The following KCNJ4 variants were observed in gnomAD, a reference collection of about 807,000 sequenced individuals.
KCNJ4 encodes inward rectifier potassium channel 4.
Under a neutral mutation model 25.6 loss-of-function variants are expected in KCNJ4, and 3 were observed. That is an observed-to-expected ratio of 0.12 (90% CI 0.05 to 0.30). KCNJ4 has a LOEUF of 0.30. KCNJ4 is among the 10% of genes least tolerant of loss of function. KCNJ4 has a pLI of 1.00. For missense variants in KCNJ4, 286 were observed against 666.8 expected (o/e 0.43, Z 6.29); for synonymous variants, 257 against 283.9 (o/e 0.91, Z 0.95).
chr22:38,446,235 T>C (rs1451367665), intron 1 of KCNJ4, among the ~76,000 whole-genome samples: 17 of 152,212 alleles, frequency 1.1e-4, no homozygotes, highest in Admixed American at 1.1e-3. Context: ...TTCTCCTCTG[T>C]CCTCTAGCCT....
chr22:38,428,508 C>T (rs977739734), intron 1 of KCNJ4, among the ~76,000 whole-genome samples: 3 of 152,158 alleles, frequency 2.0e-5, no homozygotes, highest in Non-Finnish European at 4.4e-5. Flanking sequence ...CTTGGTTCCT[C>T]CCTGTCCCTC....
At chr22:38,452,988 C>G (rs916835553) in intron 1 of KCNJ4, among the ~76,000 whole-genome samples, 1 of 151,876 alleles carries the variant, frequency 6.6e-6, no homozygotes, top group Non-Finnish European at 1.5e-5. Flanking sequence ...CAGTGGTCCC[C>G]GCAGAGGGGC....
chr22:38,454,323 GGGGGGACATTTGGCAGGTT>G (rs2089425869), intron 1 of KCNJ4, among the ~76,000 whole-genome samples: 1 of 152,138 alleles, frequency 6.6e-6, no homozygotes, highest in Non-Finnish European at 1.5e-5. Context: ...TGACACTGGT[GGGGGGACATTTGGCAGGTT>G]GCAGGGGAAG....
In KCNJ4 at chr22:38,441,395, G is replaced by A. The variant is rs146950984; in HGVS notation, c.-39-13224C>T. The stretch of plus-strand genomic sequence containing the variant: ...GGTGACATGGTAACAGCCCATGTCT[G>A]ATCATCATCTGACCCTCATCCCCGC... On this transcript the variant is annotated intron_variant, in intron 1 of 1. Coordinates refer to ENST00000303592, the MANE Select transcript of KCNJ4 (RefSeq NM_152868.3). 4.8e-4 allele frequency among the ~76,000 whole-genome samples: 73 copies of A among 152,286 alleles called. 2 individuals are homozygous for A. The East Asian group carries it at 0.012, about 25-fold the overall frequency.
chr22:38,444,925 C>A lies in KCNJ4; in HGVS notation c.-40+10055G>T, dbSNP rs528437473. Reference sequence around the variant, plus strand: ...GCCAGGTGCCAGATGTGTCTCAACACAGCGCAGTGCCTTGCCTTGGAGGGC... The same window carrying A: ...GCCAGGTGCCAGATGTGTCTCAACAAAGCGCAGTGCCTTGCCTTGGAGGGC... On this transcript the variant is annotated intron_variant, in intron 1 of 1. Transcript: ENST00000303592. 9.2e-5 allele frequency among the ~76,000 whole-genome samples: 14 copies of A among 152,350 alleles called. No individual in the cohort carries two copies. In the East Asian group the frequency reaches 2.5e-3, roughly 27 times the overall value.
intron 1 of KCNJ4, among the ~76,000 whole-genome samples, chr22:38,450,912 C>T (rs1207905825): frequency 7.2e-5 from 11 of 152,190 alleles, no homozygotes; most frequent in Admixed American, 7.2e-4. Flanking sequence ...ACTCTTTCCC[C>T]AGGGAAGCCC....
Position 38,427,358 on chromosome 22 carries a change from T to C in KCNJ4, c.775A>G (p.Ile259Val). The change falls in exon 2 of 2, where the codon ATC (isoleucine) becomes GTC (valine). Residue 259 changes from isoleucine (I) to valine (V), a missense_variant. This residue lies in a region of KCNJ4 where 39 missense variants were observed against 100.9 expected (regional missense o/e 0.39). Coordinates refer to ENST00000303592, the MANE Select transcript of KCNJ4 (RefSeq NM_152868.3). ...TCGTCGATCTCGTGGACAATGATGA[T>C]GGGCGACACCAGGAAGATGCGGTCC... is the stretch of plus-strand genomic sequence containing the variant. ...GLDRIFLVSPIIIVHEIDEDS... is the reference protein window; with the variant it reads ...GLDRIFLVSPVIIVHEIDEDS... 1 of 1,613,934 alleles carries C rather than the reference T, an allele frequency of 6.2e-7. No individual in the cohort carries two copies. Among genetic ancestry groups the C allele is most frequent in the Middle Eastern group, 1.6e-4 (1 of 6,062 alleles).
Position 38,449,963 on chromosome 22 carries a change from C to T in KCNJ4, c.-40+5017G>A, listed in dbSNP as rs981646126. ...ACCACCCCGTGAGCGCCCGTGTGCG[C>T]GCCTGCAGGAGCGCGCGTGTGTGAC... is the stretch of plus-strand genomic sequence containing the variant. On this transcript the variant is annotated intron_variant, in intron 1 of 1. Transcript: ENST00000303592. This position sits in a 1 kb window ranked among gnomAD's most constrained non-coding sequence, Gnocchi z 5.2. Among the ~76,000 whole-genome samples the T allele has an allele frequency of 5.9e-5, 9 of 152,222 alleles. No individual in the cohort carries two copies. Among genetic ancestry groups the T allele is most frequent in the African/African-American group, 1.4e-4 (6 of 41,470 alleles).
Position 38,426,501 on chromosome 22 carries a change from A to G in KCNJ4, c.*294T>C. The G allele has an allele frequency of 4.5e-6, 1 of 220,184 alleles. No individual in the cohort carries two copies. The highest frequency in any genetic ancestry group is 9.8e-5 in the East Asian group (1 of 10,160). 13.6% of individuals were successfully genotyped at this position (220,184 alleles called of 1,614,324 possible). On this transcript the variant is annotated 3_prime_UTR_variant, in exon 2 of 2. Coordinates refer to ENST00000303592, the MANE Select transcript of KCNJ4 (RefSeq NM_152868.3). ...TCCAGCCACCTTCCCCAAGGTTCTGAGAGCAAAGAGGGCACGTCCTTGAAG... is the reference window on the plus strand; with the variant it reads ...TCCAGCCACCTTCCCCAAGGTTCTGGGAGCAAAGAGGGCACGTCCTTGAAG...
chr22:38,435,553 C>T (rs2093062959), intron 1 of KCNJ4, among the ~76,000 whole-genome samples: 1 of 151,946 alleles, frequency 6.6e-6, no homozygotes, highest in African/African-American at 2.4e-5. Flanking sequence ...ATTAGCCAGG[C>T]GTGGTGGCAA....
intron 1 of KCNJ4, among the ~76,000 whole-genome samples, chr22:38,435,329 G>A (rs576880866): frequency 6.6e-6 from 1 of 152,342 alleles, no homozygotes; most frequent in South Asian, 2.1e-4. Context: ...GAGGTCAGGG[G>A]ACGCAGCCCA....
intron 1 of KCNJ4, among the ~76,000 whole-genome samples, chr22:38,448,403 C>T (rs1342421706): frequency 1.3e-5 from 2 of 152,152 alleles, no homozygotes; most frequent in South Asian, 2.1e-4. Flanking sequence ...GAGAGGCCCC[C>T]AGATGGACAG....
At chr22:38,428,951 G>T (rs1399835442) in intron 1 of KCNJ4, among the ~76,000 whole-genome samples, 1 of 151,978 alleles carries the variant, frequency 6.6e-6, no homozygotes, top group African/African-American at 2.4e-5. Context: ...AGGCATGGTG[G>T]TGCATGCCTC....
At chr22:38,431,475 C>G (rs2093049500) in intron 1 of KCNJ4, among the ~76,000 whole-genome samples, 1 of 152,224 alleles carries the variant, frequency 6.6e-6, no homozygotes, top group Non-Finnish European at 1.5e-5. Flanking sequence ...CATGGTTTAC[C>G]CCTCACCCCG....
intron 1 of KCNJ4, among the ~76,000 whole-genome samples, chr22:38,454,552 C>T (rs1175172334): frequency 1.3e-5 from 2 of 152,156 alleles, no homozygotes; most frequent in East Asian, 1.9e-4. Flanking sequence ...AGTGAGATTT[C>T]GTTCTTCAGA....
chr22:38,436,776 CCT>C (rs1209656639), intron 1 of KCNJ4, among the ~76,000 whole-genome samples: 1 of 152,184 alleles, frequency 6.6e-6, no homozygotes, highest in African/African-American at 2.4e-5. Flanking sequence ...TATCATTACC[CCT>C]GTTTTAGAAG....
intron 1 of KCNJ4, among the ~76,000 whole-genome samples, chr22:38,434,185 G>A (rs989836479): frequency 6.6e-6 from 1 of 152,192 alleles, no homozygotes; most frequent in East Asian, 1.9e-4. Flanking sequence ...GTGCCAGCCT[G>A]CCAGGTTGTC....
chr22:38,433,613 G>A (rs2093056793), intron 1 of KCNJ4, among the ~76,000 whole-genome samples: 2 of 152,100 alleles, frequency 1.3e-5, no homozygotes, highest in South Asian at 4.1e-4. Flanking sequence ...CACTGCATCC[G>A]GCTTTCTCTT....
chr22:38,426,786 G>A lies in KCNJ4; in HGVS notation c.*9C>T. The A allele has an allele frequency of 6.2e-7, 1 of 1,600,544 alleles. No individual in the cohort carries two copies. The highest frequency in any genetic ancestry group is 8.5e-7 in the Non-Finnish European group (1 of 1,171,738). On this transcript the variant is annotated 3_prime_UTR_variant, in exon 2 of 2. Coordinates refer to ENST00000303592, the MANE Select transcript of KCNJ4 (RefSeq NM_152868.3). ...TCTTGTGGGCAGTGGTGAGGGCCGG[G>A]CCTGGAGGTCAGATGGCAGACTCCC...
Sources: allele counts gnomAD v4.1 joint callset (sites outside exome capture counted in the v4.1 genomes callset), GRCh38; gene constraint gnomAD v4.1.1; regional missense constraint gnomAD v4.1.1; non-coding constraint Gnocchi (gnomAD v3.1); transcripts MANE v1.5; gene names NCBI Gene and HGNC (gene_info 2026-07-23, HGNC 2026-07-21).